GLRA2: variants seen among roughly 807,000 people sequenced by gnomAD.
GLRA2 encodes the protein glycine receptor alpha 2.
In GLRA2, 11 loss-of-function variants were observed where a neutral mutation model predicts 31.6. The observed-to-expected ratio is 0.35, with a 90% CI of 0.22 to 0.58. The LOEUF (loss-of-function observed/expected upper bound fraction) is 0.58. Ranked by LOEUF, GLRA2 falls within the 20% of genes least tolerant of loss-of-function variation. The pLI is 0.84. For synonymous variants in GLRA2, 132 were observed against 134.0 expected, an observed-to-expected ratio of 0.99 and a Z score of 0.10; for missense variants, 212 against 351.8, an observed-to-expected ratio of 0.60 and a Z score of 3.18.
intron 4 of GLRA2, among the ~76,000 whole-genome samples, chrX:14,598,170 C>T (rs1032560969): frequency 1.8e-5 from 2 of 111,524 alleles, no homozygotes; most frequent in Non-Finnish European, 3.8e-5. Flanking sequence ...TCCTGAAAGA[C>T]ACAGAAACAT....
the GLRA2 span, among the ~76,000 whole-genome samples, chrX:14,521,242 G>A: frequency 8.9e-6 from 1 of 112,417 alleles, no homozygotes; most frequent in Non-Finnish European, 1.9e-5. Flanking sequence ...TGTTTCCAGA[G>A]GAGATTGGCA....
At chrX:14,482,523 T>C in the GLRA2 span, among the ~76,000 whole-genome samples, 5 of 111,269 alleles carry the variant, frequency 4.5e-5, no homozygotes, top group Admixed American at 9.6e-5. Flanking sequence ...AAATTTGTCT[T>C]TCAAATGTTC....
the GLRA2 span, among the ~76,000 whole-genome samples, chrX:14,462,496 G>T: frequency 2.5e-3 from 279 of 111,840 alleles, no homozygotes; most frequent in African/African-American, 8.7e-3. Flanking sequence ...ATCAAATGTA[G>T]ATTTGGTCTT....
At chrX:14,551,686 A>G (rs1019844506) in intron 2 of GLRA2, among the ~76,000 whole-genome samples, 3 of 112,000 alleles carry the variant, frequency 2.7e-5, no homozygotes, top group African/African-American at 9.7e-5. Context: ...GCCCTTTCAT[A>G]TGAGATTTTA....
the GLRA2 span, among the ~76,000 whole-genome samples, chrX:14,508,685 C>A: frequency 8.9e-5 from 10 of 111,824 alleles, no homozygotes; most frequent in Non-Finnish European, 5.6e-5. Flanking sequence ...ATTTTTAATA[C>A]ACTTCATGCC....
intron 4 of GLRA2, among the ~76,000 whole-genome samples, chrX:14,582,717 A>G (rs1401548027): frequency 1.8e-5 from 2 of 112,081 alleles, no homozygotes; most frequent in African/African-American, 6.5e-5. Flanking sequence ...TTATCTCTGT[A>G]TATTCTTGTG....
At chrX:14,499,719 G>A in the GLRA2 span, among the ~76,000 whole-genome samples, 4 of 111,068 alleles carry the variant, frequency 3.6e-5, no homozygotes, top group African/African-American at 1.3e-4. Flanking sequence ...AGGGAGAGAA[G>A]CAAGGGCTGA....
At chrX:14,512,036 T>A in the GLRA2 span, among the ~76,000 whole-genome samples, 9 of 111,800 alleles carry the variant, frequency 8.1e-5, no homozygotes, top group Non-Finnish European at 1.7e-4. Flanking sequence ...TTATGAAAGA[T>A]ATACATGTTT....
the GLRA2 span, among the ~76,000 whole-genome samples, chrX:14,495,694 CAT>C: frequency 1.1e-4 from 12 of 108,265 alleles, no homozygotes; most frequent in East Asian, 5.8e-4. Context: ...GAAAATATTA[CAT>C]ATATATATAT....
At chrX:14,596,554 G>C (rs775550637) in intron 4 of GLRA2, among the ~76,000 whole-genome samples, 1 of 110,801 alleles carries the variant, frequency 9.0e-6, no homozygotes, top group South Asian at 3.9e-4. Context: ...GGCTGAGGGA[G>C]GAGAATCGCT....
chrX:14,492,535 G>A, the GLRA2 span, among the ~76,000 whole-genome samples: 1 of 111,748 alleles, frequency 8.9e-6, no homozygotes, highest in African/African-American at 3.3e-5. Context: ...TTAAGGAAAT[G>A]TAAATTGAAA....
intron 2 of GLRA2, among the ~76,000 whole-genome samples, chrX:14,567,075 T>C (rs2089817143): frequency 8.9e-6 from 1 of 111,914 alleles, no homozygotes; most frequent in Non-Finnish European, 1.9e-5. Context: ...CGTACAGATG[T>C]GGATTGCCTC....
At position 14,651,138 on chromosome X, in the gene GLRA2, G is replaced by T. The variant is rs149595824; in HGVS notation, c.931-39572G>T. Among the ~76,000 whole-genome samples the T allele has an allele frequency of 5.4e-5, 6 of 111,898 alleles. No individual in the cohort carries two copies. The East Asian group carries it at 1.7e-3, about 31-fold the overall frequency. On this transcript the variant is annotated intron_variant, in intron 7 of 8. Coordinates refer to ENST00000218075, the MANE Select transcript of GLRA2 (RefSeq NM_002063.4). ...CTCTGAGATAATTTTGTACAAACAT[G>T]AATATATTTTTTACTCTTTTGTTGA...
chrX:14,526,030 A>G (rs925976222), upstream of GLRA2, among the ~76,000 whole-genome samples: 1 of 112,299 alleles, frequency 8.9e-6, no homozygotes, highest in African/African-American at 3.2e-5. Context: ...TATACATACA[A>G]TGATGACGAG....
intron 4 of GLRA2, among the ~76,000 whole-genome samples, chrX:14,600,524 T>A (rs923886962): frequency 1.1e-4 from 12 of 111,555 alleles, no homozygotes; most frequent in African/African-American, 3.6e-4. Flanking sequence ...AACATTTTTT[T>A]AATTTAAATT....
chrX:14,559,977 G>A (rs1462446086), intron 2 of GLRA2, among the ~76,000 whole-genome samples: 1 of 111,219 alleles, frequency 9.0e-6, no homozygotes, highest in African/African-American at 3.3e-5. Context: ...TCTCTTTCAT[G>A]GGCATCAAAG....
chrX:14,523,773 C>A, the GLRA2 span, among the ~76,000 whole-genome samples: 1 of 111,531 alleles, frequency 9.0e-6, no homozygotes, highest in African/African-American at 3.3e-5. Flanking sequence ...CCATCCTATA[C>A]GGGTGTGGTT....
At chrX:14,537,860 CAT>C (rs1205697425) in intron 2 of GLRA2, among the ~76,000 whole-genome samples, 1 of 108,867 alleles carries the variant, frequency 9.2e-6, no homozygotes, top group Non-Finnish European at 1.9e-5. Flanking sequence ...CAAAGGGAAA[CAT>C]ATATGATAGT....
chrX:14,619,468 CCTT>C (rs1210990077), intron 7 of GLRA2, among the ~76,000 whole-genome samples: 2 of 111,209 alleles, frequency 1.8e-5, no homozygotes, highest in Non-Finnish European at 3.8e-5. Context: ...GGCACACTGA[CCTT>C]CTTGCTGTTT....
Sources: allele counts gnomAD v4.1 joint callset (sites outside exome capture counted in the v4.1 genomes callset), GRCh38; gene constraint gnomAD v4.1.1; transcripts MANE v1.5; gene names NCBI Gene and HGNC (gene_info 2026-07-23, HGNC 2026-07-21).